Variants in EPHX4 observed in about 807,000 individuals in gnomAD.
The protein encoded by EPHX4 is abhydrolase domain containing 7.
EPHX4 carries 31 observed loss-of-function variants against 44.9 expected under a neutral mutation model. The ratio of observed to expected loss-of-function variants is 0.69; its 90% CI spans 0.52 to 0.93. EPHX4 has a LOEUF of 0.93. Among genes scored for constraint, EPHX4 ranks in the 40% least tolerant of loss-of-function variants. The pLI is 0.00. For missense variants in EPHX4, 373 were observed against 438.1 expected, an observed-to-expected ratio of 0.85 and a Z score of 1.33; for synonymous variants, 151 against 159.7, an observed-to-expected ratio of 0.95 and a Z score of 0.41.
At chr1:92,050,546 A>G (rs1647231590) in intron 5 of EPHX4, 126 bp downstream of exon 5, 1 of 575,660 alleles carries the variant, frequency 1.7e-6, no homozygotes, top group Non-Finnish European at 2.9e-6. Context: ...TGGTTTTAAG[A>G]ACTTAACTAT....
chr1:92,043,102 C>A, intron 3 of EPHX4, 122 bp downstream of exon 3: 2 of 808,690 alleles, frequency 2.5e-6, no homozygotes, highest in Non-Finnish European at 1.9e-6. Flanking sequence ...TGGATCCTGT[C>A]ACTATGGTTT....
chr1:92,041,092 A>G (rs1441320762), intron 2 of EPHX4, among the ~76,000 whole-genome samples: 1 of 152,094 alleles, frequency 6.6e-6, no homozygotes, highest in Non-Finnish European at 1.5e-5. Context: ...TATTTGAAGA[A>G]GAAAATCTTA....
chr1:92,056,551 G>A (rs932435225), intron 6 of EPHX4, among the ~76,000 whole-genome samples: 3 of 151,882 alleles, frequency 2.0e-5, no homozygotes, highest in Non-Finnish European at 4.4e-5. Flanking sequence ...ATTAACAAGG[G>A]TATGGAAGAT....
chr1:92,056,480 T>A (rs1490470425), intron 6 of EPHX4, among the ~76,000 whole-genome samples: 4 of 152,094 alleles, frequency 2.6e-5, no homozygotes, highest in Non-Finnish European at 4.4e-5. Flanking sequence ...GACAAATCCA[T>A]AATTACTGTA....
intron 2 of EPHX4, among the ~76,000 whole-genome samples, chr1:92,035,074 T>C (rs1217299341): frequency 6.6e-6 from 1 of 152,188 alleles, no homozygotes; most frequent in African/African-American, 2.4e-5. Context: ...CCTAATAATT[T>C]TTCCAGAGTG....
chr1:92,044,626 A>G (rs1301159686), intron 3 of EPHX4, among the ~76,000 whole-genome samples: 3 of 152,172 alleles, frequency 2.0e-5, no homozygotes, highest in African/African-American at 4.8e-5. Context: ...AATTGGTGCT[A>G]TAATTAAGAC....
At chr1:92,044,993 C>T (rs1011209407) in intron 3 of EPHX4, among the ~76,000 whole-genome samples, 1 of 152,056 alleles carries the variant, frequency 6.6e-6, no homozygotes, top group Admixed American at 6.6e-5. Flanking sequence ...GTCTCGGTCT[C>T]GCTCTGTCAC....
intron 2 of EPHX4, among the ~76,000 whole-genome samples, chr1:92,042,239 T>C (rs1688518545): frequency 6.6e-6 from 1 of 152,048 alleles, no homozygotes; most frequent in Non-Finnish European, 1.5e-5. Context: ...AGTACAATGA[T>C]TTTAGTATCT....
chr1:92,030,116 C>A lies in EPHX4; in HGVS notation c.37C>A (p.Leu13Ile). The A allele has an allele frequency of 6.2e-7, 1 of 1,609,618 alleles. No individual in the cohort carries two copies. The highest frequency in any genetic ancestry group is 8.5e-7 in the Non-Finnish European group (1 of 1,178,334). ...RLRDCLPRLM[L>I]TLRSLLFWSL... ...GCGGGATTGCCTGCCCCGCCTGATG[C>A]TCACGCTCCGGTCCCTGCTCTTCTG... Residue 13 changes from leucine to isoleucine, a missense_variant, in exon 1 of 7, where the codon CTC becomes ATC. Coordinates refer to ENST00000370383, the MANE Select transcript of EPHX4 (RefSeq NM_173567.5).
At chr1:92,030,387 T>G in intron 1 of EPHX4, 77 bp downstream of exon 1, 1 of 1,310,500 alleles carries the variant, frequency 7.6e-7, no homozygotes, top group Non-Finnish European at 1.0e-6. Flanking sequence ...GGGCTTCTCC[T>G]TCCGAGACGC....
At chr1:92,054,191 C>T (rs979419612) in intron 6 of EPHX4, among the ~76,000 whole-genome samples, 2 of 152,136 alleles carry the variant, frequency 1.3e-5, no homozygotes, top group African/African-American at 4.8e-5. Context: ...TGTTAACATT[C>T]CCCAGGAAGC....
intron 6 of EPHX4, among the ~76,000 whole-genome samples, chr1:92,060,904 C>T (rs1340694460): frequency 1.3e-5 from 2 of 148,562 alleles, no homozygotes; most frequent in African/African-American, 2.5e-5. Context: ...TTTTTTAAGA[C>T]GGAGTTTGCT....
intron 6 of EPHX4, among the ~76,000 whole-genome samples, chr1:92,062,357 G>A (rs746100275): frequency 1.3e-5 from 2 of 151,828 alleles, no homozygotes; most frequent in Non-Finnish European, 2.9e-5. Context: ...AGGCCGAGGC[G>A]GGTGGATCAA....
chr1:92,052,672 C>G lies in EPHX4; in HGVS notation c.857+14C>G. 1 of 1,571,270 alleles carries G rather than the reference C, an allele frequency of 6.4e-7. No individual in the cohort carries two copies. On this transcript the variant is annotated intron_variant, in intron 6 of 6. Coordinates refer to ENST00000370383, the MANE Select transcript of EPHX4 (RefSeq NM_173567.5). ...AAATATCTTCAGGTAAGTATAATTT[C>G]TTTTTAGTTAAATAAAAATATTTCA...
At chr1:92,045,087 A>G (rs12744182) in intron 3 of EPHX4, among the ~76,000 whole-genome samples, 2,831 of 152,020 alleles carry the variant, frequency 0.019, 37 homozygotes, top group Middle Eastern at 0.044. Flanking sequence ...TCCAGGCTCT[A>G]CAGTTGCTTG....
At chr1:92,031,932 C>A (rs924796518) in intron 1 of EPHX4, among the ~76,000 whole-genome samples, 1 of 152,028 alleles carries the variant, frequency 6.6e-6, no homozygotes, top group African/African-American at 2.4e-5. Flanking sequence ...ACAGAACATG[C>A]AACACTCAAA....
intron 2 of EPHX4, among the ~76,000 whole-genome samples, chr1:92,041,041 C>T (rs1299589010): frequency 6.6e-6 from 1 of 151,674 alleles, no homozygotes; most frequent in Middle Eastern, 3.2e-3. Context: ...TTTAAAAATC[C>T]ATGTCTTTTT....
Position 92,063,039 on chromosome 1 carries a change from T to TA in EPHX4, c.858-15dup. 4 of 1,595,582 alleles carry TA rather than the reference T, an allele frequency of 2.5e-6. No individual in the cohort carries two copies. Among genetic ancestry groups the TA allele is most frequent in the Non-Finnish European group, 3.4e-6 (4 of 1,166,680 alleles). ...TTTGACAGTGAATCTCAAGCCCATG[T>TA]ATTTTGTTTTTATAGCTGCCTGCCT... On this transcript the variant is annotated splice_polypyrimidine_tract_variant and intron_variant, in intron 6 of 6. Coordinates refer to ENST00000370383, the MANE Select transcript of EPHX4 (RefSeq NM_173567.5).
intron 6 of EPHX4, among the ~76,000 whole-genome samples, chr1:92,057,872 A>G (rs554335376): frequency 6.6e-6 from 1 of 152,224 alleles, no homozygotes; most frequent in Non-Finnish European, 1.5e-5. Flanking sequence ...AAATGCTGGG[A>G]TTACAGGTGT....
Sources: allele counts gnomAD v4.1 joint callset (sites outside exome capture counted in the v4.1 genomes callset), GRCh38; gene constraint gnomAD v4.1.1; transcripts MANE v1.5; gene names NCBI Gene and HGNC (gene_info 2026-07-23, HGNC 2026-07-21).